Variants in CHL1 observed in about 807,000 individuals in gnomAD.
The protein encoded by CHL1 is neural cell adhesion molecule L1-like protein.
A neutral mutation model predicts 141.9 loss-of-function variants in CHL1; 96 were observed. The ratio of observed to expected loss-of-function variants is 0.68; its 90% CI spans 0.57 to 0.80. The LOEUF (loss-of-function observed/expected upper bound fraction) is 0.80, where lower values mean the gene tolerates loss of function less well. Ranked by LOEUF, CHL1 falls within the 30% of genes least tolerant of loss-of-function variation. The pLI, the probability that CHL1 is intolerant of heterozygous loss-of-function variation, is 0.00. For missense variants in CHL1, 1,820 were observed against 1,457.2 expected, an observed-to-expected ratio of 1.25 and a Z score of -4.05; for synonymous variants, 613 against 502.2, an observed-to-expected ratio of 1.22 and a Z score of -2.95.
At chr3:284,507 C>A (rs1012056694) in intron 2 of CHL1, among the ~76,000 whole-genome samples, 2 of 152,130 alleles carry the variant, frequency 1.3e-5, no homozygotes, top group Non-Finnish European at 2.9e-5. Context: ...ATTGAGGGAG[C>A]ATAGCCCTAC....
intron 2 of CHL1, among the ~76,000 whole-genome samples, chr3:316,639 G>A (rs1700173146): frequency 6.6e-6 from 1 of 151,842 alleles, no homozygotes; most frequent in South Asian, 2.1e-4. Flanking sequence ...TTTAGTAAGA[G>A]TATGACTGGA....
rs114980093 is a variant in CHL1, at chr3:346,444, G to A, written c.848+1735G>A. 8.9e-3 allele frequency among the ~76,000 whole-genome samples: 1,359 copies of A among 152,316 alleles called. 17 individuals carry two copies. The highest frequency in any genetic ancestry group is 0.031 in the African/African-American group (1,285 of 41,556). ...CTTGCAGAGTTCATCACTGTATTGA[G>A]TTGGGCAGGGTGATCCTTTCTGTAA... On this transcript the variant is annotated intron_variant, in intron 9 of 27. Transcript: ENST00000256509.
Position 293,918 on chromosome 3 carries a change from C to G in CHL1, c.-94-25765C>G, listed in dbSNP as rs537584730. 7.9e-5 allele frequency among the ~76,000 whole-genome samples: 12 copies of G among 151,782 alleles called. No homozygotes were observed. The East Asian group carries it at 2.3e-3, about 30-fold the overall frequency. On this transcript the variant is annotated intron_variant, in intron 2 of 27. Transcript: ENST00000256509. ...CTGGGATTACAGGCAGTTGCCACCACACCCAGCTAATTTTTGAATTTTTTT... is the reference window on the plus strand; with the variant it reads ...CTGGGATTACAGGCAGTTGCCACCAGACCCAGCTAATTTTTGAATTTTTTT...
intron 1 of CHL1, among the ~76,000 whole-genome samples, chr3:222,457 C>T (rs1432637229): frequency 2.6e-5 from 4 of 152,282 alleles, no homozygotes; most frequent in East Asian, 1.9e-4. Context: ...AGAGTGATTA[C>T]CTAATTACCC....
At chr3:326,153 T>A in intron 4 of CHL1, 89 bp downstream of exon 4, 2 of 746,158 alleles carry the variant, frequency 2.7e-6, no homozygotes, top group Admixed American at 5.2e-5. Context: ...CCTGTTGGAC[T>A]ATGAATCCAC....
chr3:301,082 T>A (rs763561076), intron 2 of CHL1, among the ~76,000 whole-genome samples: 1 of 152,148 alleles, frequency 6.6e-6, no homozygotes, highest in Non-Finnish European at 1.5e-5. Flanking sequence ...ATTGAAGGTT[T>A]CCATTTTTTA....
At chr3:305,572 A>G (rs1699153483) in intron 2 of CHL1, among the ~76,000 whole-genome samples, 1 of 151,934 alleles carries the variant, frequency 6.6e-6, no homozygotes, top group South Asian at 2.1e-4. Context: ...GGAAAAACCC[A>G]TGGTCTTTAC....
chr3:341,788 G>C (rs1171976111), intron 6 of CHL1, 124 bp from the exon 7 acceptor site: 1 of 783,248 alleles, frequency 1.3e-6, no homozygotes, highest in African/African-American at 1.8e-5. Context: ...GACCAGACTT[G>C]AGAGGAATTA....
chr3:300,646 T>A (rs906560952), intron 2 of CHL1, among the ~76,000 whole-genome samples: 4 of 152,200 alleles, frequency 2.6e-5, no homozygotes, highest in African/African-American at 9.7e-5. Flanking sequence ...AAAGCCTGAA[T>A]GTTTCTTACT....
intron 2 of CHL1, among the ~76,000 whole-genome samples, chr3:265,967 C>T (rs1695112788): frequency 6.6e-6 from 1 of 152,168 alleles, no homozygotes; most frequent in Admixed American, 6.5e-5. Flanking sequence ...ATGGTTGGGG[C>T]TTTGAAGCCA....
At chr3:281,911 A>G (rs185881137) in intron 2 of CHL1, among the ~76,000 whole-genome samples, 12 of 152,304 alleles carry the variant, frequency 7.9e-5, no homozygotes, top group Non-Finnish European at 1.2e-4. Context: ...CTTTGAATAT[A>G]CAGTTTATCT....
Position 406,430 on chromosome 3 carries a change from A to G in CHL1, c.*719A>G, listed in dbSNP as rs1274772184. 2.0e-5 allele frequency: 3 copies of G among 151,026 alleles called. No individual in the cohort carries two copies. Among genetic ancestry groups the G allele is most frequent in the Admixed American group, 6.6e-5 (1 of 15,120 alleles). 9.4% of individuals were successfully genotyped at this position (151,026 alleles called of 1,614,324 possible). A position where few individuals can be genotyped will look rare whatever the true frequency, so the allele number is the denominator to read the frequency against. On this transcript the variant is annotated 3_prime_UTR_variant, in exon 28 of 28. Coordinates refer to ENST00000256509, the MANE Select transcript of CHL1 (RefSeq NM_006614.4). ...TTTTTTTTTTCTTGGACTAAATTCA[A>G]CTGCATGGAAGCGGTGGTCAGAAGG...
At chr3:248,738 C>T (rs180999999) in intron 2 of CHL1, 2 of 152,030 alleles carry the variant, frequency 1.3e-5, no homozygotes, top group African/African-American at 2.4e-5. Flanking sequence ...GAAAACAGTT[C>T]CTCAGTTGCT....
intron 2 of CHL1, among the ~76,000 whole-genome samples, chr3:260,119 C>T (rs1408009166): frequency 1.3e-5 from 2 of 152,010 alleles, no homozygotes; most frequent in African/African-American, 2.4e-5. Flanking sequence ...ACAAAATTAG[C>T]TGGGTGTGGT....
intron 1 of CHL1, among the ~76,000 whole-genome samples, chr3:203,287 A>T (rs1559263541): frequency 6.6e-6 from 1 of 152,248 alleles, no homozygotes; most frequent in Admixed American, 6.5e-5. Context: ...ACATTTAAAT[A>T]CTGGAGATTT....
intron 1 of CHL1, among the ~76,000 whole-genome samples, chr3:207,532 A>C (rs2124873262): frequency 6.6e-6 from 1 of 152,360 alleles, no homozygotes; most frequent in South Asian, 2.1e-4. Flanking sequence ...GGCATCATAC[A>C]ATGGCAAAAA....
intron 3 of CHL1, among the ~76,000 whole-genome samples, chr3:321,941 C>T (rs894131679): frequency 2.8e-4 from 43 of 152,038 alleles, no homozygotes; most frequent in Non-Finnish European, 2.1e-4. Context: ...TTATTAGCTC[C>T]GTTCCCCAAA....
intron 5 of CHL1, among the ~76,000 whole-genome samples, chr3:337,916 TTTCTAG>T (rs1242109032): frequency 6.6e-6 from 1 of 152,188 alleles, no homozygotes; most frequent in Non-Finnish European, 1.5e-5. Flanking sequence ...TCAAATGGTA[TTTCTAG>T]TTCTAGATCC....
At chr3:337,621 G>GT (rs1235665281) in intron 5 of CHL1, among the ~76,000 whole-genome samples, 3 of 151,624 alleles carry the variant, frequency 2.0e-5, no homozygotes, top group Non-Finnish European at 4.4e-5. Flanking sequence ...GCAATGTTTG[G>GT]TTTTTTGTCC....
Sources: gnomAD v4.1 joint callset for allele counts (sites outside exome capture counted in the v4.1 genomes callset) on GRCh38, gnomAD v4.1.1 for gene constraint, MANE v1.5 for transcripts, NCBI Gene and HGNC (gene_info 2026-07-23, HGNC 2026-07-21) for gene names.